MGAT4C: variants seen among roughly 807,000 people sequenced by gnomAD.
MGAT4C encodes alpha-1,3-mannosyl-glycoprotein 4-beta-N-acetylglucosaminyltransferase C.
MGAT4C carries 19 observed loss-of-function variants against 40.1 expected under a neutral mutation model. The observed-to-expected ratio is 0.47, with a 90% CI of 0.33 to 0.70. The LOEUF (loss-of-function observed/expected upper bound fraction) is 0.70. Among genes scored for constraint, MGAT4C ranks in the 30% least tolerant of loss-of-function variants. MGAT4C has a pLI of 0.02. For missense variants in MGAT4C, 491 were observed against 563.2 expected (o/e 0.87, Z 1.30); for synonymous variants, 181 against 187.1 (o/e 0.97, Z 0.27).
chr12:86,475,731 A>G (rs1957824770), intron 2 of MGAT4C, among the ~76,000 whole-genome samples: 1 of 152,086 alleles, frequency 6.6e-6, no homozygotes, highest in Non-Finnish European at 1.5e-5. Flanking sequence ...GTGATAGCCA[A>G]TATTTTGGGT....
chr12:86,812,355 A>AT (rs1262264671), intron 1 of MGAT4C, among the ~76,000 whole-genome samples: 1 of 151,730 alleles, frequency 6.6e-6, no homozygotes, highest in Non-Finnish European at 1.5e-5. Context: ...ATCCTTTGTT[A>AT]TTTTCTATCT....
At chr12:86,222,565 T>C (rs1456215446) in intron 1 of MGAT4C, among the ~76,000 whole-genome samples, 1 of 152,218 alleles carries the variant, frequency 6.6e-6, no homozygotes, top group East Asian at 1.9e-4. Flanking sequence ...TTTGAGTTAA[T>C]TATGGAACAC....
intron 2 of MGAT4C, among the ~76,000 whole-genome samples, chr12:86,586,423 A>G (rs7489244): frequency 0.51 from 15,405 of 30,464 alleles, 5,104 homozygotes; most frequent in East Asian, 0.85. Flanking sequence ...GTGTGCATGT[A>G]TCTTTATAGC....
intron 1 of MGAT4C, among the ~76,000 whole-genome samples, chr12:86,742,194 C>CATAGTGAAT (rs1951079244): frequency 6.6e-6 from 1 of 151,242 alleles, no homozygotes; most frequent in Non-Finnish European, 1.5e-5. Context: ...TGAAGAAAAG[C>CATAGTGAAT]ATAGTGAATA....
chr12:86,547,679 T>G (rs139956531), intron 2 of MGAT4C, among the ~76,000 whole-genome samples: 230 of 152,176 alleles, frequency 1.5e-3, no homozygotes, highest in African/African-American at 5.2e-3. Context: ...TAGAGTAGAG[T>G]TAAATGATCT....
chr12:85,980,604 T>C (rs1884476235), intron 4 of MGAT4C, among the ~76,000 whole-genome samples, 174 bp from the exon 5 acceptor site: 1 of 152,106 alleles, frequency 6.6e-6, no homozygotes, highest in East Asian at 1.9e-4. Flanking sequence ...ATATAAAGGC[T>C]GTAAGTGCTT....
At chr12:86,264,082 A>C (rs992730487) in intron 4 of MGAT4C, among the ~76,000 whole-genome samples, 4 of 152,108 alleles carry the variant, frequency 2.6e-5, no homozygotes, top group African/African-American at 7.2e-5. Context: ...CCTGGATATT[A>C]GTCCCCTGCC....
chr12:86,408,553 T>C (rs1042567298), intron 3 of MGAT4C, among the ~76,000 whole-genome samples: 12 of 146,636 alleles, frequency 8.2e-5, no homozygotes, highest in Non-Finnish European at 1.8e-4. Context: ...TCTAATTTTA[T>C]TTTATATTTT....
chr12:86,416,592 AG>A (rs1956721013), intron 3 of MGAT4C, among the ~76,000 whole-genome samples: 1 of 152,128 alleles, frequency 6.6e-6, no homozygotes, highest in Non-Finnish European at 1.5e-5. Context: ...GAGAGTAACT[AG>A]ATTAGACCCT....
intron 1 of MGAT4C, among the ~76,000 whole-genome samples, chr12:86,119,404 T>A (rs1217935853): frequency 6.6e-6 from 1 of 152,000 alleles, no homozygotes; most frequent in East Asian, 1.9e-4. Context: ...AACTCCCGTT[T>A]TCATTAAGTA....
chr12:86,458,605 C>A (rs1238301206), intron 2 of MGAT4C, among the ~76,000 whole-genome samples: 1 of 152,156 alleles, frequency 6.6e-6, no homozygotes, highest in Admixed American at 6.5e-5. Context: ...TTACTCCTCA[C>A]AATTCTGAAA....
chr12:86,092,312 G>A (rs1220018082), intron 1 of MGAT4C, among the ~76,000 whole-genome samples: 1 of 152,038 alleles, frequency 6.6e-6, no homozygotes, highest in African/African-American at 2.4e-5. Flanking sequence ...ATCTTGGAAG[G>A]AGCTGGAAGA....
intron 3 of MGAT4C, among the ~76,000 whole-genome samples, chr12:86,394,818 G>A (rs982662239): frequency 1.4e-4 from 21 of 151,376 alleles, no homozygotes; most frequent in Admixed American, 4.6e-4. Flanking sequence ...CTCTCACCAT[G>A]TTGGCCAGGC....
intron 2 of MGAT4C, among the ~76,000 whole-genome samples, chr12:86,672,173 C>T (rs2162674): frequency 0.78 from 118,360 of 151,960 alleles, 47,440 homozygotes; most frequent in Middle Eastern, 0.88. Context: ...AAACTAGATG[C>T]TCTTGAATGA....
At chr12:86,012,778 A>AACAACAACCACCACC (rs1308194133) in intron 2 of MGAT4C, among the ~76,000 whole-genome samples, 43 of 136,448 alleles carry the variant, frequency 3.2e-4, no homozygotes, top group African/African-American at 1.1e-3. Flanking sequence ...CAACAACAAC[A>AACAACAACCACCACC]ACCACCACCA....
At chr12:86,808,755 T>C (rs950417768) in intron 1 of MGAT4C, among the ~76,000 whole-genome samples, 3 of 151,916 alleles carry the variant, frequency 2.0e-5, no homozygotes, top group African/African-American at 7.2e-5. Context: ...CTACGCAACA[T>C]AGCATTGGAA....
chr12:86,545,655 C>T (rs950240485), intron 2 of MGAT4C, among the ~76,000 whole-genome samples: 1 of 151,442 alleles, frequency 6.6e-6, no homozygotes, highest in South Asian at 2.1e-4. Context: ...TTTTTTCTCT[C>T]AAGCAATAAA....
intron 3 of MGAT4C, among the ~76,000 whole-genome samples, chr12:86,395,066 A>T (rs578166193): frequency 7.3e-5 from 11 of 150,508 alleles, no homozygotes; most frequent in African/African-American, 2.0e-4. Flanking sequence ...AAAAAAGCAT[A>T]AAAAAAATGG....
chr12:86,420,393 T>TA (rs886624389), intron 3 of MGAT4C, among the ~76,000 whole-genome samples: 14 of 151,310 alleles, frequency 9.3e-5, no homozygotes, highest in East Asian at 7.8e-4. Context: ...AAAAGAAAAT[T>TA]AAAAAAAAAT....
Sources: allele counts gnomAD v4.1 joint callset (sites outside exome capture counted in the v4.1 genomes callset), GRCh38; gene constraint gnomAD v4.1.1; transcripts MANE v1.5; gene names NCBI Gene and HGNC (gene_info 2026-07-23, HGNC 2026-07-21).